Variants in DPYD observed in about 807,000 individuals in gnomAD.
DPYD encodes the protein dihydropyrimidine dehydrogenase [NADP(+)].
Under a neutral mutation model 116.2 loss-of-function variants are expected in DPYD, and 109 were observed. The ratio of observed to expected loss-of-function variants is 0.94; its 90% confidence interval spans 0.80 to 1.10. The LOEUF (loss-of-function observed/expected upper bound fraction) is 1.10. Among genes scored for constraint, DPYD ranks in the 50% least tolerant of loss-of-function variants. DPYD has a pLI of 0.00. For synonymous variants in DPYD, 440 were observed against 432.0 expected (o/e 1.02, Z -0.23); for missense variants, 1,302 against 1,254.5 (o/e 1.04, Z -0.57).
chr1:97,086,144 C>T (rs1373117939), intron 21 of DPYD, among the ~76,000 whole-genome samples: 1 of 152,144 alleles, frequency 6.6e-6, no homozygotes, highest in Admixed American at 6.5e-5. Context: ...AGCTCTGCCT[C>T]CTGGGTTCAA....
At chr1:97,198,931 G>A (rs1436728167) in intron 19 of DPYD, among the ~76,000 whole-genome samples, 2 of 152,090 alleles carry the variant, frequency 1.3e-5, no homozygotes, top group Admixed American at 6.6e-5. Flanking sequence ...GTGATTTGAC[G>A]TGTTCCATAA....
intron 19 of DPYD, among the ~76,000 whole-genome samples, chr1:97,208,253 TTTCTTTCTTTCTTTTTCTTTC>T (rs1213351761): frequency 2.0e-5 from 3 of 151,552 alleles, no homozygotes; most frequent in Non-Finnish European, 4.4e-5. Flanking sequence ...TTTCTCTTTC[TTTCTTTCTTTCTTTTTCTTTC>T]TTCTTTCTCT....
At chr1:97,116,274 A>T (rs1049546747) in intron 20 of DPYD, among the ~76,000 whole-genome samples, 50 of 152,150 alleles carry the variant, frequency 3.3e-4, no homozygotes, top group African/African-American at 1.1e-3. Context: ...TTCAATGAGC[A>T]CACCCAAACT....
chr1:97,790,099 T>C (rs1667237744), intron 3 of DPYD, among the ~76,000 whole-genome samples: 1 of 152,160 alleles, frequency 6.6e-6, no homozygotes, highest in Non-Finnish European at 1.5e-5. Context: ...ACCTGGGACC[T>C]ACGTTGTAAA....
chr1:97,585,914 G>T (rs1051515138), intron 10 of DPYD: 15 of 174,958 alleles, frequency 8.6e-5, no homozygotes, highest in African/African-American at 3.5e-4. Context: ...ACCATAAAAG[G>T]TATTTCAATG....
intron 20 of DPYD, among the ~76,000 whole-genome samples, chr1:97,172,544 C>T (rs1469825029): frequency 6.6e-6 from 1 of 152,112 alleles, no homozygotes; most frequent in Non-Finnish European, 1.5e-5. Flanking sequence ...ATTTTGGTAT[C>T]AAATTAAATT....
At chr1:97,510,987 G>C (rs1230012212) in intron 13 of DPYD, among the ~76,000 whole-genome samples, 1 of 151,822 alleles carries the variant, frequency 6.6e-6, no homozygotes, top group Admixed American at 6.6e-5. Context: ...CCACATGATT[G>C]CTATATGCCC....
At chr1:97,835,568 C>T (rs1225791006) in intron 2 of DPYD, among the ~76,000 whole-genome samples, 4 of 151,994 alleles carry the variant, frequency 2.6e-5, no homozygotes, top group African/African-American at 4.8e-5. Flanking sequence ...GCTGATAATT[C>T]ATTCCTATAT....
rs150938173 is a variant in DPYD at position 97,626,966 on chromosome 1, C to T, written c.851-31800G>A. 1.1e-4 allele frequency among the ~76,000 whole-genome samples: 16 copies of T among 152,102 alleles called. No individual in the cohort carries two copies. In the East Asian group the frequency reaches 2.7e-3, roughly 26 times the overall value. On this transcript the variant is annotated intron_variant, in intron 8 of 22. Coordinates refer to ENST00000370192, the MANE Select transcript of DPYD (RefSeq NM_000110.4). ...TGCCATAGACTGCGTGACTTATAAACAGCAGAAACTCATGTCTCATAGTTC... is the reference window on the plus strand; with the variant it reads ...TGCCATAGACTGCGTGACTTATAAATAGCAGAAACTCATGTCTCATAGTTC...
chr1:97,152,712 T>C (rs185938382), intron 20 of DPYD, among the ~76,000 whole-genome samples: 8 of 151,432 alleles, frequency 5.3e-5, no homozygotes, highest in Admixed American at 2.0e-4. Context: ...TATATAATTA[T>C]CATATTTATA....
At chr1:97,499,169 TA>T (rs1217054479) in intron 13 of DPYD, among the ~76,000 whole-genome samples, 4 of 151,758 alleles carry the variant, frequency 2.6e-5, no homozygotes, top group South Asian at 4.1e-4. Context: ...TCTGTTTATT[TA>T]AAACAGAATA....
intron 8 of DPYD, among the ~76,000 whole-genome samples, chr1:97,626,242 A>G (rs77354827): frequency 0.013 from 1,940 of 152,192 alleles, 48 homozygotes; most frequent in African/African-American, 0.045. Context: ...CAATGGGAAA[A>G]AAATGTCTTA....
chr1:97,091,695 A>G (rs1294706104), intron 21 of DPYD, among the ~76,000 whole-genome samples: 2 of 152,186 alleles, frequency 1.3e-5, no homozygotes, highest in African/African-American at 2.4e-5. Flanking sequence ...TGTGCTGTGT[A>G]TAATACTTTC....
At chr1:97,896,069 A>T (rs1304037732) in intron 1 of DPYD, among the ~76,000 whole-genome samples, 1 of 151,794 alleles carries the variant, frequency 6.6e-6, no homozygotes, top group African/African-American at 2.4e-5. Context: ...GATTAATAAA[A>T]TTAACTTGGC....
intron 14 of DPYD, among the ~76,000 whole-genome samples, chr1:97,390,646 T>A (rs1479873038): frequency 6.6e-6 from 1 of 151,982 alleles, no homozygotes; most frequent in East Asian, 1.9e-4. Context: ...TATTTAAAAA[T>A]TCATCATTTT....
At chr1:97,687,013 G>C (rs1660773156) in intron 7 of DPYD, among the ~76,000 whole-genome samples, 1 of 152,150 alleles carries the variant, frequency 6.6e-6, no homozygotes, top group Non-Finnish European at 1.5e-5. Context: ...GCTCATGTCT[G>C]TAATCCCAGC....
chr1:97,429,885 A>AG (rs979084441), intron 14 of DPYD, among the ~76,000 whole-genome samples: 3 of 152,110 alleles, frequency 2.0e-5, no homozygotes, highest in Admixed American at 6.5e-5. Flanking sequence ...GTTGTGGAGA[A>AG]GGGGGGGTAA....
chr1:97,754,002 T>C (rs967553347), intron 3 of DPYD, among the ~76,000 whole-genome samples: 8 of 152,144 alleles, frequency 5.3e-5, no homozygotes, highest in African/African-American at 1.9e-4. Context: ...TGCAAGCTTT[T>C]GTATGAAATG....
At chr1:97,233,053 A>G (rs1445118211) in intron 19 of DPYD, among the ~76,000 whole-genome samples, 1 of 152,166 alleles carries the variant, frequency 6.6e-6, no homozygotes, top group African/African-American at 2.4e-5. Context: ...CCTTGGTGTC[A>G]GTCTGGCAGG....
Sources: gnomAD v4.1 joint callset for allele counts (sites outside exome capture counted in the v4.1 genomes callset) on GRCh38, gnomAD v4.1.1 for gene constraint, MANE v1.5 for transcripts, NCBI Gene and HGNC (gene_info 2026-07-23, HGNC 2026-07-21) for gene names.